WDHD1: variants seen among roughly 807,000 people sequenced by gnomAD.
WDHD1 encodes the protein WD repeat and HMG-box DNA-binding protein 1.
WDHD1 carries 111 observed loss-of-function variants against 135.4 expected under a neutral mutation model. The ratio of observed to expected loss-of-function variants is 0.82; its 90% CI spans 0.70 to 0.96. The LOEUF is 0.96. WDHD1 is among the 40% of genes least tolerant of loss of function. WDHD1 has a pLI of 0.00. For synonymous variants in WDHD1, 434 were observed against 439.0 expected (o/e 0.99, Z 0.14); for missense variants, 1,351 against 1,336.3 (o/e 1.01, Z -0.17).
intron 14 of WDHD1, 76 bp downstream of exon 14, chr14:54,987,070 A>G: frequency 1.3e-6 from 2 of 1,544,920 alleles, no homozygotes; most frequent in Admixed American, 1.9e-5. Flanking sequence ...CAAGACAAAA[A>G]GAGTAACAAA....
At chr14:54,970,503 C>T (rs2041413823) in intron 16 of WDHD1, among the ~76,000 whole-genome samples, 1 of 151,306 alleles carries the variant, frequency 6.6e-6, no homozygotes, top group South Asian at 2.1e-4. Context: ...TGAAAGAAAT[C>T]ACAGATAACA....
intron 2 of WDHD1, among the ~76,000 whole-genome samples, chr14:55,017,110 T>G (rs1207192933): frequency 6.6e-6 from 1 of 152,194 alleles, no homozygotes; most frequent in African/African-American, 2.4e-5. Flanking sequence ...ATATCTGACA[T>G]CAGTGGGGAT....
chr14:54,969,046 T>C (rs1566717645), intron 16 of WDHD1, among the ~76,000 whole-genome samples: 1 of 151,974 alleles, frequency 6.6e-6, no homozygotes, highest in Non-Finnish European at 1.5e-5. Flanking sequence ...TTTATTTATT[T>C]ATTTATTTTT....
In WDHD1 at chr14:55,001,095, T is replaced by G. The variant is rs190539557; in HGVS notation, c.694-103A>C. ...TTTCTTTTCATTTTTTTTCAAGAAT[T>G]TGGAGGGGAATCAACCAAATTCAAA... On this transcript the variant is annotated intron_variant, in intron 8 of 25. Transcript: ENST00000360586. 446 of 746,438 alleles carry G rather than the reference T, an allele frequency of 6.0e-4. No individual in the cohort carries two copies. The African/African-American group carries it at 6.1e-3, about 10-fold the overall frequency. 46.2% of individuals were successfully genotyped at this position (746,438 alleles called of 1,614,324 possible).
chr14:54,944,402 A>G lies in WDHD1; in HGVS notation c.3119T>C (p.Phe1040Ser). Residue 1040 changes from phenylalanine to serine, a missense_variant, in exon 25 of 26, where the codon TTT (phenylalanine) becomes TCT (serine). Coordinates refer to ENST00000360586, the MANE Select transcript of WDHD1 (RefSeq NM_007086.4). ...TTTTATTATGTCTGCTTCATCTGAAAAGTCAGGATTGTCAGACAAAATATT... is the reference window on the plus strand; with the variant it reads ...TTTTATTATGTCTGCTTCATCTGAAGAGTCAGGATTGTCAGACAAAATATT... ...RSNILSDNPD[F>S]SDEADIIKEG... The G allele has an allele frequency of 6.2e-7, 1 of 1,608,542 alleles. No homozygotes were observed. Among genetic ancestry groups the G allele is most frequent in the Non-Finnish European group, 8.5e-7 (1 of 1,179,006 alleles).
chr14:54,995,954 T>C (rs2041871558), intron 10 of WDHD1, 141 bp from the exon 11 acceptor site: 1 of 608,008 alleles, frequency 1.6e-6, no homozygotes. Context: ...AATTAGTAAA[T>C]GTATTTATGA....
At chr14:55,026,261 G>A (rs1224263819) in intron 2 of WDHD1, among the ~76,000 whole-genome samples, 1 of 152,056 alleles carries the variant, frequency 6.6e-6, no homozygotes, top group Non-Finnish European at 1.5e-5. Flanking sequence ...CAGAATAACC[G>A]TAGGAAAATA....
intron 18 of WDHD1, among the ~76,000 whole-genome samples, chr14:54,966,154 C>T (rs1382817676): frequency 8.5e-6 from 1 of 117,068 alleles, no homozygotes; most frequent in African/African-American, 3.0e-5. Flanking sequence ...TAGGGAAACC[C>T]CATCTCTACT....
At chr14:54,966,712 A>T in intron 17 of WDHD1, 106 bp from the exon 18 acceptor site, 1 of 1,192,220 alleles carries the variant, frequency 8.4e-7, no homozygotes, top group Non-Finnish European at 1.1e-6. Context: ...TATGTTCTGA[A>T]CTCTTCCTTT....
chr14:55,013,397 A>C, intron 3 of WDHD1, 88 bp downstream of exon 3: 2 of 855,306 alleles, frequency 2.3e-6, no homozygotes, highest in South Asian at 3.0e-5. Flanking sequence ...ACAAAGGTAT[A>C]TCTATATTCA....
chr14:54,987,397 A>G lies in WDHD1; in HGVS notation c.1527-10T>C, dbSNP rs774772732. ...CAGGCAGTGAAGCTTGCTAAAAATT[A>G]AAACAAGACAGAAACAATCAAACTT... On this transcript the variant is annotated splice_polypyrimidine_tract_variant and intron_variant, in intron 13 of 25. Coordinates refer to ENST00000360586, the MANE Select transcript of WDHD1 (RefSeq NM_007086.4). 6.3e-6 allele frequency: 10 copies of G among 1,591,568 alleles called. No individual in the cohort carries two copies. Among genetic ancestry groups the G allele is most frequent in the Non-Finnish European group, 8.6e-6 (10 of 1,165,826 alleles).
chr14:55,027,003 G>T, intron 1 of WDHD1, 25 bp downstream of exon 1: 1 of 550,706 alleles, frequency 1.8e-6, no homozygotes, highest in Non-Finnish European at 3.3e-6. Context: ...CTTGGTGGAC[G>T]CGGGCAGCCG....
At chr14:54,994,383 A>C (rs1463984044) in intron 11 of WDHD1, among the ~76,000 whole-genome samples, 1 of 152,162 alleles carries the variant, frequency 6.6e-6, no homozygotes, top group African/African-American at 2.4e-5. Flanking sequence ...CAGACATATA[A>C]TGTGAGTTAC....
In WDHD1 at chr14:54,984,752, T is replaced by G; in HGVS notation, c.1877A>C (p.Tyr626Ser). Residue 626 changes from tyrosine to serine, a missense_variant, in exon 15 of 26, where the codon TAC becomes TCC. Physicochemically the swap from Tyr to Ser is moderately radical, Grantham distance 144. Around this residue, in one of 2 missense-constraint regions of WDHD1, gnomAD observed 1,330 missense variants for 1,296.1 expected, o/e 1.03. Coordinates refer to ENST00000360586, the MANE Select transcript of WDHD1 (RefSeq NM_007086.4). ...AGCTGAAAACCCAATCCATGCAAGG[T>G]AGGATTTCCTTGTAAGAGGAAGAGG... is the stretch of plus-strand genomic sequence containing the variant. ...GDPLPLTRKS[Y>S]LAWIGFSAEG... 1 of 1,613,574 alleles carries G rather than the reference T, an allele frequency of 6.2e-7. No homozygotes were observed. Among genetic ancestry groups the G allele is most frequent in the Non-Finnish European group, 8.5e-7 (1 of 1,179,860 alleles).
At chr14:55,023,523 G>T (rs888090721) in intron 2 of WDHD1, among the ~76,000 whole-genome samples, 1 of 152,128 alleles carries the variant, frequency 6.6e-6, no homozygotes, top group African/African-American at 2.4e-5. Context: ...CATGACTTTT[G>T]TCTGCTTCTT....
At position 54,963,154 on chromosome 14, in the gene WDHD1, G is replaced by C. The variant is rs747024803; in HGVS notation, c.2329C>G (p.Arg777Gly). 7.9e-6 allele frequency: 6 copies of C among 755,416 alleles called. No individual in the cohort carries two copies. In the South Asian group the frequency reaches 8.4e-5, roughly 11 times the overall value. 46.8% of individuals were successfully genotyped at this position (755,416 alleles called of 1,614,324 possible). A position where few individuals can be genotyped will look rare whatever the true frequency, so the allele number is the denominator to read the frequency against. Reference protein sequence around the residue: ...KMLALSCKLEREFRCVELADL... With the variant: ...KMLALSCKLEGEFRCVELADL... ...GCAAGTTCCACACAACGGAATTCTC[G>C]CTCCAGTTTACAAGAAAGCTAATCC... The change falls in exon 19 of 26, where the codon CGA becomes GGA. Residue 777 changes from arginine to glycine, a missense_variant. Coordinates refer to ENST00000360586, the MANE Select transcript of WDHD1 (RefSeq NM_007086.4).
chr14:55,012,154 T>C (rs2140225557), intron 3 of WDHD1, among the ~76,000 whole-genome samples: 1 of 152,316 alleles, frequency 6.6e-6, no homozygotes, highest in East Asian at 1.9e-4. Flanking sequence ...TTTCTTTGCT[T>C]ACTAGTAAGA....
intron 10 of WDHD1, among the ~76,000 whole-genome samples, chr14:54,999,528 C>T (rs544349644): frequency 2.0e-5 from 3 of 152,308 alleles, no homozygotes; most frequent in African/African-American, 7.2e-5. Flanking sequence ...CCAGAAACTA[C>T]AGTTTTAGAA....
At chr14:55,026,573 A>C in intron 2 of WDHD1, 138 bp downstream of exon 2, 1 of 828,892 alleles carries the variant, frequency 1.2e-6, no homozygotes, top group East Asian at 2.5e-5. Flanking sequence ...AATAATCTAA[A>C]GAAATATGTG....
Sources: allele counts gnomAD v4.1 joint callset (sites outside exome capture counted in the v4.1 genomes callset), GRCh38; gene constraint gnomAD v4.1.1; regional missense constraint gnomAD v4.1.1; transcripts MANE v1.5; gene names NCBI Gene and HGNC (gene_info 2026-07-23, HGNC 2026-07-21).